SASH1: variants seen among roughly 807,000 people sequenced by gnomAD.
SASH1 encodes SAM and SH3 domain containing 1.
SASH1 carries 44 observed loss-of-function variants against 125.2 expected under a neutral mutation model. That is an observed-to-expected ratio of 0.35 (90% confidence interval 0.28 to 0.45). The LOEUF (loss-of-function observed/expected upper bound fraction) is 0.45, where lower values mean the gene tolerates loss of function less well. Among genes scored for constraint, SASH1 ranks in the 20% least tolerant of loss-of-function variants. SASH1 has a pLI of 1.00. For synonymous variants in SASH1, 639 were observed against 649.1 expected, an observed-to-expected ratio of 0.98 and a Z score of 0.24; for missense variants, 1,426 against 1,614.5, an observed-to-expected ratio of 0.88 and a Z score of 2.00.
intron 1 of SASH1, among the ~76,000 whole-genome samples, chr6:148,357,558 G>A (rs1030248333): frequency 1.3e-5 from 2 of 151,974 alleles, no homozygotes; most frequent in Admixed American, 6.6e-5. Context: ...TGCCAGTGTG[G>A]GTCAGTGTGG....
intron 5 of SASH1, 29 bp from the exon 6 acceptor site, chr6:148,471,388 T>G: frequency 2.4e-5 from 1 of 42,494 alleles, no homozygotes; most frequent in East Asian, 2.7e-3. Context: ...TTTTTGTTCT[T>G]TTTTTTTTTT....
chr6:148,438,668 C>T (rs969418765), intron 2 of SASH1, among the ~76,000 whole-genome samples: 1 of 143,212 alleles, frequency 7.0e-6, no homozygotes, highest in African/African-American at 2.6e-5. Context: ...CGCTTGTCTA[C>T]AGTCATCCCA....
In SASH1 at chr6:148,548,537, G is replaced by T. The variant is rs762753345; in HGVS notation, c.3723G>T (p.Pro1241=). The part of the protein sequence containing the change: ...LLSAARLFKL[P]PGPEAM ...CTGCAGCCAGACTCTTCAAACTGCC[G>T]CCAGGCCCTGAGGCCATGTAGCCAG... Residue 1241 remains proline (P), a synonymous_variant, in exon 20 of 20, where the codon CCG becomes CCT. Transcript: ENST00000367467. 6 of 1,608,498 alleles carry T rather than the reference G, an allele frequency of 3.7e-6. No individual in the cohort carries two copies. Among genetic ancestry groups the T allele is most frequent in the East Asian group, 2.2e-5 (1 of 44,866 alleles).
At position 148,454,415 on chromosome 6, in the gene SASH1, G is replaced by A. The variant is rs561855033; in HGVS notation, c.386+14008G>A. ...CCAGGCTAACCTGGAACTATGCAAG[G>A]AAGAGAATTCGGAGAAATGTAATCC... On this transcript the variant is annotated intron_variant, in intron 4 of 19. Coordinates refer to ENST00000367467, the MANE Select transcript of SASH1 (RefSeq NM_015278.5). Among the ~76,000 whole-genome samples, 12 of 152,348 alleles carry A rather than the reference G, an allele frequency of 7.9e-5. No homozygotes were observed. In the East Asian group the frequency reaches 9.6e-4, roughly 12 times the overall value.
chr6:148,416,570 G>C (rs1002108256), intron 2 of SASH1, among the ~76,000 whole-genome samples: 2 of 152,142 alleles, frequency 1.3e-5, no homozygotes, highest in Non-Finnish European at 2.9e-5. Context: ...CCTAATTAAC[G>C]GCACAATGTC....
the SASH1 span, among the ~76,000 whole-genome samples, chr6:148,241,448 T>C: frequency 6.6e-6 from 1 of 152,348 alleles, no homozygotes; most frequent in Non-Finnish European, 1.5e-5. Flanking sequence ...AATACATGCA[T>C]TGAGATGAGA....
chr6:148,519,716 G>C lies in SASH1; in HGVS notation c.1032G>C (p.Trp344Cys). Reference sequence around the variant, plus strand: ...CATCCTCCAGCAGCCTGGACACCTGGGGGGCTGGCCGGAAGTTGGTCAAAA... The same window carrying C: ...CATCCTCCAGCAGCCTGGACACCTGCGGGGCTGGCCGGAAGTTGGTCAAAA... ...TSPSSSSLDTWGAGRKLVKTF... is the reference protein window; with the variant it reads ...TSPSSSSLDTCGAGRKLVKTF... The change falls in exon 10 of 20, where the codon TGG becomes TGC. Residue 344 changes from tryptophan to cysteine, a missense_variant. Transcript: ENST00000367467. This position sits in a 1 kb window ranked among gnomAD's most constrained non-coding sequence, Gnocchi z 4.8. 1.9e-6 allele frequency: 3 copies of C among 1,614,134 alleles called. No individual in the cohort carries two copies. Among genetic ancestry groups the C allele is most frequent in the Non-Finnish European group, 2.5e-6 (3 of 1,180,040 alleles).
At chr6:148,393,355 T>C (rs1286678193) in intron 2 of SASH1, among the ~76,000 whole-genome samples, 2 of 152,052 alleles carry the variant, frequency 1.3e-5, no homozygotes, top group Non-Finnish European at 2.9e-5. Context: ...CCACCGCGCC[T>C]GGCCAGAATG....
intron 4 of SASH1, among the ~76,000 whole-genome samples, chr6:148,464,772 G>A (rs1446432214): frequency 6.6e-6 from 1 of 152,074 alleles, no homozygotes; most frequent in Non-Finnish European, 1.5e-5. Context: ...TGGATTCAAC[G>A]TAAAATTCAA....
chr6:148,230,738 G>C, the SASH1 span, among the ~76,000 whole-genome samples: 2 of 151,992 alleles, frequency 1.3e-5, no homozygotes, highest in Non-Finnish European at 2.9e-5. Context: ...TTGTGGTTTT[G>C]ATTTGAATTT....
chr6:148,301,727 C>T (rs1207139830), intron 1 of SASH1, among the ~76,000 whole-genome samples: 4 of 149,750 alleles, frequency 2.7e-5, no homozygotes, highest in South Asian at 4.3e-4. Flanking sequence ...TACAGAAACA[C>T]ACCACCCCAT....
intron 2 of SASH1, among the ~76,000 whole-genome samples, chr6:148,433,007 A>C (rs1209155149): frequency 6.6e-6 from 1 of 152,232 alleles, no homozygotes; most frequent in African/African-American, 2.4e-5. Context: ...ACACAGGTAC[A>C]CATTTGTTTC....
At chr6:148,313,074 CAG>C (rs1411790670) in intron 1 of SASH1, among the ~76,000 whole-genome samples, 2 of 152,114 alleles carry the variant, frequency 1.3e-5, no homozygotes, top group Non-Finnish European at 2.9e-5. Context: ...GAGTTAGTGG[CAG>C]AGAGAGGAGA....
At chr6:148,213,533 T>TGTGTGTGTGTG in the SASH1 span, among the ~76,000 whole-genome samples, 3 of 151,388 alleles carry the variant, frequency 2.0e-5, no homozygotes, top group African/African-American at 4.9e-5. Flanking sequence ...TGTGTGTGTG[T>TGTGTGTGTGTG]TTAAAGTGTT....
chr6:148,313,963 C>G (rs1780406980), intron 1 of SASH1, among the ~76,000 whole-genome samples: 2 of 152,144 alleles, frequency 1.3e-5, no homozygotes, highest in South Asian at 4.2e-4. Flanking sequence ...CTGAAAATCA[C>G]CTTTAGCATA....
rs1782714703 is a variant in SASH1 at position 148,548,687 on chromosome 6, C to T, written c.*129C>T. ...AAGAAAGGCCTGGCGTGTGGCCAAA[C>T]AGCGTGAAACCTTGGCACAGGACTG... is the stretch of plus-strand genomic sequence containing the variant. On this transcript the variant is annotated 3_prime_UTR_variant, in exon 20 of 20. Transcript: ENST00000367467. The T allele has an allele frequency of 8.9e-7, 1 of 1,125,390 alleles. No homozygotes were observed. Among genetic ancestry groups the T allele is most frequent in the Non-Finnish European group, 1.2e-6 (1 of 804,368 alleles). 69.7% of individuals were successfully genotyped at this position (1,125,390 alleles called of 1,614,324 possible). A position where few individuals can be genotyped will look rare whatever the true frequency, so the allele number is the denominator to read the frequency against.
intron 1 of SASH1, among the ~76,000 whole-genome samples, chr6:148,387,672 CTTTCTTTCT>C (rs1783519811): frequency 2.4e-5 from 2 of 82,410 alleles, no homozygotes; most frequent in East Asian, 2.8e-4. Context: ...TTCTTTCTTT[CTTTCTTTCT>C]TTCTTTCTTT....
chr6:148,514,554 C>G (rs201704199), intron 9 of SASH1, 98 bp downstream of exon 9: 86 of 1,020,784 alleles, frequency 8.4e-5, no homozygotes, highest in Non-Finnish European at 9.8e-5. Flanking sequence ...AAAAGGGATA[C>G]GATTTCAAGT....
rs190075915 is a variant in SASH1 at position 148,297,896 on chromosome 6, A to G, written n.74+25519A>G. Among the ~76,000 whole-genome samples, 383 of 152,176 alleles carry G rather than the reference A, an allele frequency of 2.5e-3. 3 individuals carry two copies. Among genetic ancestry groups the G allele is most frequent in the Non-Finnish European group, 2.7e-3 (184 of 68,010 alleles). On this transcript the variant is annotated intron_variant and non_coding_transcript_variant, in intron 1 of 3. Coordinates refer to the SASH1 transcript ENST00000367469. ...GAAGCACTGATGTTAACAAAATACC[A>G]CCACTCTTGGTAAAAATTAGTACAT...
Sources: gnomAD v4.1 joint callset for allele counts (sites outside exome capture counted in the v4.1 genomes callset) on GRCh38, gnomAD v4.1.1 for gene constraint, Gnocchi (gnomAD v3.1) non-coding constraint, MANE v1.5 for transcripts, NCBI Gene and HGNC (gene_info 2026-07-23, HGNC 2026-07-21) for gene names.